The following MOB1B variants were observed in gnomAD, a reference collection of about 807,000 sequenced individuals.
The protein encoded by MOB1B is MOB1 Mps One Binder homolog B.
Under a neutral mutation model 24.4 loss-of-function variants are expected in MOB1B, and 19 were observed. The ratio of observed to expected loss-of-function variants is 0.78; its 90% CI spans 0.54 to 1.14. The LOEUF is 1.14. MOB1B is among the 50% of genes most tolerant of loss of function. The pLI is 0.00. For missense variants in MOB1B, 243 were observed against 259.6 expected, an observed-to-expected ratio of 0.94 and a Z score of 0.44; for synonymous variants, 76 against 82.1, an observed-to-expected ratio of 0.93 and a Z score of 0.40.
intron 2 of MOB1B, among the ~76,000 whole-genome samples, chr4:70,963,935 T>C (rs1356950278): frequency 6.6e-6 from 1 of 152,156 alleles, no homozygotes; most frequent in Non-Finnish European, 1.5e-5. Context: ...TATACAGATA[T>C]AGAATGGTTG....
In MOB1B at chr4:70,925,579, C is replaced by T. The variant is rs1736616632; in HGVS notation, c.14+23029C>T. Reference sequence around the variant, plus strand: ...ATAACCATAATCCTTGAGAAGTTTGCTGTAGACTCTCAAAGTGTGGATCTT... The same window carrying T: ...ATAACCATAATCCTTGAGAAGTTTGTTGTAGACTCTCAAAGTGTGGATCTT... On this transcript the variant is annotated intron_variant, in intron 1 of 5. Coordinates refer to ENST00000309395, the MANE Select transcript of MOB1B (RefSeq NM_173468.4). Among the ~76,000 whole-genome samples the T allele has an allele frequency of 5.3e-5, 8 of 152,288 alleles. No homozygotes were observed. The South Asian group carries it at 1.7e-3, about 32-fold the overall frequency.
intron 2 of MOB1B, among the ~76,000 whole-genome samples, chr4:70,965,991 C>A (rs1366019688): frequency 6.6e-6 from 1 of 151,698 alleles, no homozygotes; most frequent in Non-Finnish European, 1.5e-5. Context: ...ATTTAAAAAC[C>A]TTGCCACAGT....
chr4:70,906,440 G>C (rs1037258968), intron 1 of MOB1B, among the ~76,000 whole-genome samples: 2 of 152,134 alleles, frequency 1.3e-5, no homozygotes, highest in Admixed American at 6.6e-5. Context: ...TGTGACAAGA[G>C]AGAAAAAAAT....
At chr4:70,906,994 A>G (rs1301837835) in intron 1 of MOB1B, among the ~76,000 whole-genome samples, 1 of 152,190 alleles carries the variant, frequency 6.6e-6, no homozygotes, top group Admixed American at 6.6e-5. Flanking sequence ...TCATGAAAGA[A>G]GTGGGTGATA....
At chr4:70,956,634 G>T (rs1328563844) in intron 1 of MOB1B, among the ~76,000 whole-genome samples, 1 of 151,482 alleles carries the variant, frequency 6.6e-6, no homozygotes, top group African/African-American at 2.4e-5. Flanking sequence ...TCACCATGTT[G>T]CCCAGATTGG....
At chr4:70,945,431 G>T (rs2148887116) in intron 1 of MOB1B, among the ~76,000 whole-genome samples, 1 of 152,206 alleles carries the variant, frequency 6.6e-6, no homozygotes, top group Middle Eastern at 3.4e-3. Flanking sequence ...CTTGGATTTT[G>T]TTTGTTCAGT....
In MOB1B at chr4:70,987,472, C is replaced by T. The variant is rs924014827; in HGVS notation, c.*5415C>T. 5.3e-5 allele frequency: 8 copies of T among 152,012 alleles called. No individual in the cohort carries two copies. The highest frequency in any genetic ancestry group is 1.4e-4 in the African/African-American group (6 of 41,496). The allele number at this position is 152,012 out of a possible 1,614,324, so 9.4% of individuals were successfully genotyped here. On this transcript the variant is annotated 3_prime_UTR_variant, in exon 6 of 6. Coordinates refer to ENST00000309395, the MANE Select transcript of MOB1B (RefSeq NM_173468.4). Reference sequence around the variant, plus strand: ...AGGATGCTTTGCTCCTTAAATTGTTCGACAGAAATGACTTTTTAGGGAAAG... The same window carrying T: ...AGGATGCTTTGCTCCTTAAATTGTTTGACAGAAATGACTTTTTAGGGAAAG...
At chr4:70,965,064 G>A (rs568443169) in intron 2 of MOB1B, among the ~76,000 whole-genome samples, 3 of 151,612 alleles carry the variant, frequency 2.0e-5, no homozygotes, top group African/African-American at 7.3e-5. Flanking sequence ...TTGGGAGGCC[G>A]AGGTAGGTGG....
intron 5 of MOB1B, among the ~76,000 whole-genome samples, chr4:70,981,347 A>G (rs1157164565): frequency 6.6e-6 from 1 of 152,192 alleles, no homozygotes; most frequent in African/African-American, 2.4e-5. Flanking sequence ...TACTAGCCTT[A>G]TAGTTTATAG....
intron 2 of MOB1B, among the ~76,000 whole-genome samples, chr4:70,963,414 A>T (rs1343813961): frequency 6.6e-6 from 1 of 152,240 alleles, no homozygotes; most frequent in East Asian, 1.9e-4. Flanking sequence ...AAGAAGAATC[A>T]TACAATGAGT....
At chr4:70,903,569 A>C (rs1333556973) in intron 1 of MOB1B, among the ~76,000 whole-genome samples, 1 of 152,232 alleles carries the variant, frequency 6.6e-6, no homozygotes, top group Non-Finnish European at 1.5e-5. Context: ...TAAAAAACTT[A>C]GAAGTTGAAA....
chr4:70,906,345 C>T (rs988041212), intron 1 of MOB1B, among the ~76,000 whole-genome samples: 16 of 152,134 alleles, frequency 1.1e-4, no homozygotes, highest in Non-Finnish European at 2.1e-4. Context: ...CCACTGCACT[C>T]CAGCCTGGAC....
intron 5 of MOB1B, among the ~76,000 whole-genome samples, chr4:70,981,340 T>C (rs1354564070): frequency 6.6e-6 from 1 of 152,214 alleles, no homozygotes; most frequent in East Asian, 1.9e-4. Flanking sequence ...CTCTATTTAC[T>C]AGCCTTATAG....
intron 1 of MOB1B, among the ~76,000 whole-genome samples, chr4:70,942,294 A>T (rs917086669): frequency 6.6e-6 from 1 of 152,044 alleles, no homozygotes; most frequent in East Asian, 1.9e-4. Flanking sequence ...TGGAATTGCC[A>T]TTTAATATTC....
chr4:70,961,511 G>T (rs1306751204), intron 2 of MOB1B, among the ~76,000 whole-genome samples: 4 of 152,196 alleles, frequency 2.6e-5, no homozygotes, highest in Non-Finnish European at 5.9e-5. Context: ...ACCATGGATA[G>T]TGAAACCACA....
chr4:70,909,190 G>A (rs1054667812), intron 1 of MOB1B, among the ~76,000 whole-genome samples: 5 of 151,974 alleles, frequency 3.3e-5, no homozygotes, highest in African/African-American at 1.2e-4. Flanking sequence ...ACTCATGATA[G>A]TGCTATGTTT....
chr4:70,959,808 T>G (rs1310376497), intron 2 of MOB1B, among the ~76,000 whole-genome samples: 2 of 152,172 alleles, frequency 1.3e-5, no homozygotes, highest in African/African-American at 4.8e-5. Flanking sequence ...AATTTCAGAG[T>G]CTATAGAGTC....
At chr4:70,970,151 A>G (rs1435795202) in intron 3 of MOB1B, 127 bp downstream of exon 3, 9 of 582,302 alleles carry the variant, frequency 1.5e-5, no homozygotes, top group Non-Finnish European at 2.7e-5. Context: ...AGTGACTATT[A>G]ATCTAGATTC....
chr4:70,914,012 A>C (rs1176622333), intron 1 of MOB1B, among the ~76,000 whole-genome samples: 3 of 152,008 alleles, frequency 2.0e-5, no homozygotes, highest in Non-Finnish European at 4.4e-5. Context: ...TGATGGTATT[A>C]GAAGATAGAG....
Sources: allele counts gnomAD v4.1 joint callset (sites outside exome capture counted in the v4.1 genomes callset), GRCh38; gene constraint gnomAD v4.1.1; transcripts MANE v1.5; gene names NCBI Gene and HGNC (gene_info 2026-07-23, HGNC 2026-07-21).